The following FRMD5 variants were observed in gnomAD, a reference collection of about 807,000 sequenced individuals.
The protein encoded by FRMD5 is FERM domain-containing protein 5.
In FRMD5, 20 loss-of-function variants were observed where a neutral mutation model predicts 69.0. That is an observed-to-expected ratio of 0.29 (90% CI 0.20 to 0.42). The LOEUF is 0.42. Ranked by LOEUF, FRMD5 falls within the 10% of genes least tolerant of loss-of-function variation. FRMD5 has a pLI of 1.00. For synonymous variants in FRMD5, 271 were observed against 260.1 expected (o/e 1.04, Z -0.40); for missense variants, 595 against 708.6 (o/e 0.84, Z 1.82).
chr15:44,047,523 T>C (rs182059451), intron 1 of FRMD5, among the ~76,000 whole-genome samples: 2 of 152,334 alleles, frequency 1.3e-5, no homozygotes, highest in Admixed American at 1.3e-4. Context: ...CAATAAATTT[T>C]ATAATACAAA....
At chr15:44,079,573 A>T (rs1335094948) in intron 1 of FRMD5, among the ~76,000 whole-genome samples, 1 of 152,102 alleles carries the variant, frequency 6.6e-6, no homozygotes, top group East Asian at 1.9e-4. Context: ...CCCATATGAT[A>T]ACTATACCCA....
intron 1 of FRMD5, among the ~76,000 whole-genome samples, chr15:44,112,141 C>A (rs1276473347): frequency 6.6e-6 from 1 of 152,108 alleles, no homozygotes; most frequent in Non-Finnish European, 1.5e-5. Context: ...CAGCGCCTGG[C>A]CAAATACTTC....
intron 1 of FRMD5, among the ~76,000 whole-genome samples, chr15:44,146,912 A>G (rs2077365571): frequency 1.3e-5 from 2 of 151,992 alleles, no homozygotes; most frequent in Admixed American, 6.6e-5. Flanking sequence ...GTCAGATTAC[A>G]AAAACTTTCT....
intron 1 of FRMD5, among the ~76,000 whole-genome samples, chr15:44,088,015 T>C (rs1894276125): frequency 6.6e-6 from 1 of 152,190 alleles, no homozygotes; most frequent in South Asian, 2.1e-4. Context: ...TTATTCAGCA[T>C]TTCGTGAACA....
chr15:44,180,867 A>G (rs779985883), intron 1 of FRMD5, among the ~76,000 whole-genome samples: 2 of 152,228 alleles, frequency 1.3e-5, no homozygotes, highest in African/African-American at 4.8e-5. Flanking sequence ...ATAATTATAT[A>G]GGATTATTTA....
intron 8 of FRMD5, among the ~76,000 whole-genome samples, chr15:43,891,635 G>GCTAA (rs2088795381): frequency 6.6e-6 from 1 of 152,110 alleles, no homozygotes; most frequent in South Asian, 2.1e-4. Flanking sequence ...GCTCAACAGG[G>GCTAA]CTAACTATGA....
intron 1 of FRMD5, among the ~76,000 whole-genome samples, chr15:44,117,643 C>A (rs1386510007): frequency 2.0e-5 from 3 of 152,160 alleles, no homozygotes; most frequent in Admixed American, 6.6e-5. Flanking sequence ...CTTTTAAATT[C>A]CTTCTGGATG....
At chr15:43,900,648 C>A (rs947220087) in intron 7 of FRMD5, among the ~76,000 whole-genome samples, 3 of 147,938 alleles carry the variant, frequency 2.0e-5, no homozygotes, top group African/African-American at 7.6e-5. Flanking sequence ...GACAGAGTCT[C>A]GCTCTGTCAC....
At chr15:44,182,906 C>T (rs1334953632) in intron 1 of FRMD5, among the ~76,000 whole-genome samples, 1 of 152,156 alleles carries the variant, frequency 6.6e-6, no homozygotes. Flanking sequence ...CATCATTCTC[C>T]TGCCTCAGCT....
At chr15:44,011,140 C>T (rs80292825) in intron 1 of FRMD5, among the ~76,000 whole-genome samples, 4,782 of 150,752 alleles carry the variant, frequency 0.032, 231 homozygotes, top group African/African-American at 0.11. Context: ...GCCTTGGATG[C>T]CCAGCTAAGT....
chr15:43,920,443 A>G (rs1015043284), intron 2 of FRMD5, among the ~76,000 whole-genome samples: 5 of 152,168 alleles, frequency 3.3e-5, no homozygotes, highest in African/African-American at 1.2e-4. Context: ...ACTAACCACA[A>G]CCAACGTGTA....
At chr15:44,001,608 ATTGT>A (rs773333035) in intron 1 of FRMD5, among the ~76,000 whole-genome samples, 237 of 81,042 alleles carry the variant, frequency 2.9e-3, no homozygotes, top group African/African-American at 7.7e-3. Context: ...ATCCAATTTT[ATTGT>A]TTTTTTTTTT....
intron 1 of FRMD5, among the ~76,000 whole-genome samples, chr15:43,990,436 C>T (rs1215177933): frequency 2.0e-5 from 3 of 152,178 alleles, no homozygotes; most frequent in Non-Finnish European, 4.4e-5. Flanking sequence ...TTACAGCTTA[C>T]TAACATTAGT....
intron 1 of FRMD5, among the ~76,000 whole-genome samples, chr15:44,094,488 T>C (rs1649252080): frequency 6.6e-6 from 1 of 152,182 alleles, no homozygotes; most frequent in Non-Finnish European, 1.5e-5. Flanking sequence ...AACGTTTTAT[T>C]GAGCCACCAA....
intron 1 of FRMD5, among the ~76,000 whole-genome samples, chr15:43,943,325 C>G (rs2089892615): frequency 6.6e-6 from 1 of 152,178 alleles, no homozygotes. Flanking sequence ...AGTGATCCTC[C>G]TGCCTTGGTC....
chr15:44,122,846 G>C (rs1022993053), intron 1 of FRMD5, among the ~76,000 whole-genome samples: 1 of 151,874 alleles, frequency 6.6e-6, no homozygotes, highest in Non-Finnish European at 1.5e-5. Flanking sequence ...AGCTGAGATC[G>C]TGCCACTGCA....
chr15:43,910,046 T>C (rs1013725177), intron 4 of FRMD5, 67 bp from the exon 5 acceptor site: 2 of 854,440 alleles, frequency 2.3e-6, no homozygotes, highest in African/African-American at 1.7e-5. Flanking sequence ...GAAATATGTA[T>C]TGTAAGCCTA....
chr15:44,157,372 C>T (rs1004563788), intron 1 of FRMD5, among the ~76,000 whole-genome samples: 1 of 152,200 alleles, frequency 6.6e-6, no homozygotes, highest in African/African-American at 2.4e-5. Flanking sequence ...ACATTAGGAA[C>T]TGGACCTTCA....
chr15:44,151,050 C>G (rs902542606), intron 1 of FRMD5, among the ~76,000 whole-genome samples: 3 of 151,624 alleles, frequency 2.0e-5, no homozygotes, highest in African/African-American at 7.3e-5. Context: ...CGAGATGGCA[C>G]CACTGTACTC....
Sources: allele counts gnomAD v4.1 joint callset (sites outside exome capture counted in the v4.1 genomes callset), GRCh38; gene constraint gnomAD v4.1.1; transcripts MANE v1.5; gene names NCBI Gene and HGNC (gene_info 2026-07-23, HGNC 2026-07-21).